Variants in UNC13C observed in about 807,000 individuals in gnomAD.
UNC13C encodes the protein protein unc-13 homolog C.
A neutral mutation model predicts 245.4 loss-of-function variants in UNC13C; 174 were observed. That is an observed-to-expected ratio of 0.71 (90% CI 0.63 to 0.80). UNC13C has a LOEUF of 0.80. Among genes scored for constraint, UNC13C ranks in the 30% least tolerant of loss-of-function variants. The probability of loss-of-function intolerance (pLI) is 0.00; values close to 1 mark genes in which losing one functional copy is unlikely to be tolerated. For missense variants in UNC13C, 2,829 were observed against 2,602.9 expected (o/e 1.09, Z -1.89); for synonymous variants, 992 against 895.1 (o/e 1.11, Z -1.93).
At chr15:53,915,111 CTT>C in the UNC13C span, among the ~76,000 whole-genome samples, 12 of 152,198 alleles carry the variant, frequency 7.9e-5, no homozygotes, top group African/African-American at 2.7e-4. Flanking sequence ...ATTCCCCTGA[CTT>C]CACACACTCA....
chr15:54,269,204 C>A (rs2036623914), intron 10 of UNC13C, among the ~76,000 whole-genome samples: 1 of 152,026 alleles, frequency 6.6e-6, no homozygotes, highest in Admixed American at 6.6e-5. Context: ...CACTTTCTTT[C>A]TTTCTTTGTT....
chr15:54,223,055 G>A (rs570551861), intron 4 of UNC13C, among the ~76,000 whole-genome samples: 26 of 152,002 alleles, frequency 1.7e-4, no homozygotes, highest in Admixed American at 7.9e-4. Flanking sequence ...GTCTCTTCAC[G>A]TTGTTGATTG....
At chr15:53,967,828 A>T in the UNC13C span, among the ~76,000 whole-genome samples, 4 of 152,182 alleles carry the variant, frequency 2.6e-5, no homozygotes, top group Admixed American at 2.6e-4. Flanking sequence ...TTTCATATAG[A>T]TAGTAAAATA....
At chr15:53,981,963 G>T (rs1893944976) in intron 1 of UNC13C, among the ~76,000 whole-genome samples, 2 of 152,064 alleles carry the variant, frequency 1.3e-5, no homozygotes, top group Admixed American at 6.6e-5. Flanking sequence ...TTATAATCTT[G>T]ATATGGAAGA....
At chr15:53,843,943 GAGAAA>G in the UNC13C span, among the ~76,000 whole-genome samples, 2 of 152,182 alleles carry the variant, frequency 1.3e-5, no homozygotes, top group East Asian at 3.9e-4. Flanking sequence ...GGAATAAGAG[GAGAAA>G]AGAAATCAGA....
intron 17 of UNC13C, among the ~76,000 whole-genome samples, chr15:54,376,200 G>A (rs970175901): frequency 1.3e-5 from 2 of 151,500 alleles, no homozygotes; most frequent in Non-Finnish European, 2.9e-5. Flanking sequence ...AGGAATTCAA[G>A]GATTGAATAG....
intron 17 of UNC13C, among the ~76,000 whole-genome samples, chr15:54,362,870 G>A (rs2039267924): frequency 6.6e-6 from 1 of 152,220 alleles, no homozygotes; most frequent in Non-Finnish European, 1.5e-5. Flanking sequence ...GACAGATCAT[G>A]AAAGGCTTCT....
chr15:54,548,203 T>C (rs2141178900), intron 27 of UNC13C, among the ~76,000 whole-genome samples: 1 of 138,118 alleles, frequency 7.2e-6, no homozygotes, highest in Admixed American at 7.6e-5. Flanking sequence ...GTTTTGTTTC[T>C]TTTGCTTTTT....
At chr15:54,003,669 A>G (rs1367677279) in intron 1 of UNC13C, among the ~76,000 whole-genome samples, 1 of 152,192 alleles carries the variant, frequency 6.6e-6, no homozygotes, top group African/African-American at 2.4e-5. Flanking sequence ...TTAGTATTAC[A>G]AACAATCCAG....
At chr15:54,313,970 T>C (rs2037942502) in intron 13 of UNC13C, among the ~76,000 whole-genome samples, 1 of 151,584 alleles carries the variant, frequency 6.6e-6, no homozygotes, top group African/African-American at 2.4e-5. Context: ...TGAAATCTTG[T>C]CATTTGCAAC....
intron 13 of UNC13C, among the ~76,000 whole-genome samples, chr15:54,313,143 C>T (rs2037918879): frequency 6.6e-6 from 1 of 151,692 alleles, no homozygotes; most frequent in African/African-American, 2.4e-5. Flanking sequence ...TGGCCTAATG[C>T]TTTAAAAAAG....
the UNC13C span, among the ~76,000 whole-genome samples, chr15:53,849,439 C>T: frequency 2.6e-5 from 4 of 152,112 alleles, no homozygotes; most frequent in South Asian, 6.2e-4. Context: ...TATTATAAAA[C>T]TTCCTTATCA....
At chr15:54,038,033 A>T (rs1001046372) in intron 2 of UNC13C, among the ~76,000 whole-genome samples, 2 of 146,726 alleles carry the variant, frequency 1.4e-5, no homozygotes, top group East Asian at 2.0e-4. Context: ...CAGTTACCTT[A>T]AAAATAGATT....
Position 54,477,552 on chromosome 15 carries a change from A to G in UNC13C, c.4934-17056A>G, listed in dbSNP as rs962252925. Among the ~76,000 whole-genome samples, 326 of 111,966 alleles carry G rather than the reference A, an allele frequency of 2.9e-3. 69 individuals carry two copies. Among genetic ancestry groups the G allele is most frequent in the Non-Finnish European group, 4.6e-3 (238 of 51,694 alleles). 73.5% of individuals were successfully genotyped at this position (111,966 alleles called of 152,430 possible). On this transcript the variant is annotated intron_variant, in intron 19 of 32. Coordinates refer to ENST00000260323, the MANE Select transcript of UNC13C (RefSeq NM_001080534.3). ...GAATTTTTTCAAAGGCCTTTTCTGCATCTATTGAGATAATCATGTGGTTTT... is the reference window on the plus strand; with the variant it reads ...GAATTTTTTCAAAGGCCTTTTCTGCGTCTATTGAGATAATCATGTGGTTTT...
chr15:54,513,779 ATCT>A (rs1240911987), intron 24 of UNC13C, among the ~76,000 whole-genome samples: 15 of 148,716 alleles, frequency 1.0e-4, no homozygotes, highest in African/African-American at 3.8e-4. Context: ...TAACGATGTA[ATCT>A]TCTCCTTTCT....
chr15:54,299,874 C>A (rs1168904851), intron 12 of UNC13C, among the ~76,000 whole-genome samples: 1 of 152,068 alleles, frequency 6.6e-6, no homozygotes, highest in Non-Finnish European at 1.5e-5. Flanking sequence ...GCCTTATTTG[C>A]TGAGGAAACT....
intron 24 of UNC13C, among the ~76,000 whole-genome samples, chr15:54,521,054 A>C (rs1001122939): frequency 3.9e-5 from 6 of 152,206 alleles, no homozygotes. Context: ...GAAAAGGGAA[A>C]GAGATAATTG....
intron 17 of UNC13C, among the ~76,000 whole-genome samples, chr15:54,389,854 A>C (rs1039642494): frequency 2.1e-4 from 32 of 151,966 alleles, no homozygotes; most frequent in African/African-American, 7.7e-4. Flanking sequence ...TCAGCCTCCC[A>C]AGTAGCCGGG....
At position 54,013,845 on chromosome 15, in the gene UNC13C, T is replaced by C; in HGVS notation, c.942T>C (p.His314=). 1 of 1,613,476 alleles carries C rather than the reference T, an allele frequency of 6.2e-7. No individual in the cohort carries two copies. The highest frequency in any genetic ancestry group is 8.5e-7 in the Non-Finnish European group (1 of 1,179,668). The change falls in exon 2 of 33, where the codon CAT becomes CAC. Residue 314 remains histidine, a synonymous_variant. Coordinates refer to ENST00000260323, the MANE Select transcript of UNC13C (RefSeq NM_001080534.3). ...ATGATTATATTAAGCACTTAGGTCATATGGGTAGCAAGGCAAGCCTGAGAT... is the reference window on the plus strand; with the variant it reads ...ATGATTATATTAAGCACTTAGGTCACATGGGTAGCAAGGCAAGCCTGAGAT... ...DIHDYIKHLG[H]MGSKASLRFL...
Sources: gnomAD v4.1 joint callset for allele counts (sites outside exome capture counted in the v4.1 genomes callset) on GRCh38, gnomAD v4.1.1 for gene constraint, MANE v1.5 for transcripts, NCBI Gene and HGNC (gene_info 2026-07-23, HGNC 2026-07-21) for gene names.